The following PAPPA2 variants were observed in gnomAD, a reference collection of about 807,000 sequenced individuals.
The protein encoded by PAPPA2 is pappalysin 2.
Under a neutral mutation model 176.4 loss-of-function variants are expected in PAPPA2, and 86 were observed. The ratio of observed to expected loss-of-function variants is 0.49; its 90% CI spans 0.41 to 0.58. PAPPA2 has a LOEUF of 0.58. PAPPA2 is among the 20% of genes least tolerant of loss of function. The pLI is 0.00. For synonymous variants in PAPPA2, 809 were observed against 852.2 expected (o/e 0.95, Z 0.88); for missense variants, 2,073 against 2,256.9 (o/e 0.92, Z 1.65).
intron 7 of PAPPA2, among the ~76,000 whole-genome samples, chr1:176,697,644 C>T (rs1197838261): frequency 1.3e-5 from 2 of 152,304 alleles, no homozygotes; most frequent in African/African-American, 4.8e-5. Flanking sequence ...ACATCATCTT[C>T]ATGGTGAGAA....
intron 3 of PAPPA2, among the ~76,000 whole-genome samples, chr1:176,624,314 G>A (rs535669730): frequency 1.4e-4 from 21 of 152,288 alleles, no homozygotes; most frequent in African/African-American, 4.8e-4. Flanking sequence ...AGGAAATAGT[G>A]TGGATGACTG....
intron 1 of PAPPA2, among the ~76,000 whole-genome samples, chr1:176,516,249 G>A (rs962874838): frequency 6.6e-6 from 1 of 151,322 alleles, no homozygotes; most frequent in Admixed American, 6.6e-5. Context: ...TTCTGTCCTC[G>A]GAGTCAAATG....
chr1:176,675,448 A>C (rs1353575123), intron 4 of PAPPA2, among the ~76,000 whole-genome samples: 2 of 152,108 alleles, frequency 1.3e-5, no homozygotes, highest in Non-Finnish European at 2.9e-5. Context: ...GAGAACTGGA[A>C]TCTCTAATAG....
At chr1:176,489,351 A>G (rs973097287) in intron 1 of PAPPA2, among the ~76,000 whole-genome samples, 4 of 152,226 alleles carry the variant, frequency 2.6e-5, no homozygotes, top group Admixed American at 6.5e-5. Flanking sequence ...ATTTTAATGC[A>G]TAGAGGAGCT....
intron 3 of PAPPA2, among the ~76,000 whole-genome samples, chr1:176,661,689 C>T (rs1274677637): frequency 6.6e-6 from 1 of 151,882 alleles, no homozygotes; most frequent in Non-Finnish European, 1.5e-5. Flanking sequence ...TCCCAGTCAC[C>T]TTTTAACTCT....
At chr1:176,529,543 G>A (rs1056308758) in intron 1 of PAPPA2, among the ~76,000 whole-genome samples, 1 of 152,086 alleles carries the variant, frequency 6.6e-6, no homozygotes, top group African/African-American at 2.4e-5. Flanking sequence ...TGGGGCAAGG[G>A]GAGGAGGAGG....
intron 3 of PAPPA2, among the ~76,000 whole-genome samples, chr1:176,618,002 TG>T (rs1282143328): frequency 6.6e-6 from 1 of 152,210 alleles, no homozygotes; most frequent in Non-Finnish European, 1.5e-5. Flanking sequence ...GGTTGAGGCC[TG>T]TAACTAGTGG....
intron 3 of PAPPA2, among the ~76,000 whole-genome samples, chr1:176,639,719 CTT>C (rs548902178): frequency 6.9e-6 from 1 of 144,320 alleles, no homozygotes. Context: ...CTTTTTCTTT[CTT>C]TTTTTTTTTT....
chr1:176,822,646 T>G (rs915322002), intron 21 of PAPPA2, among the ~76,000 whole-genome samples: 4 of 152,194 alleles, frequency 2.6e-5, no homozygotes, highest in Non-Finnish European at 5.9e-5. Context: ...ACTGCAAGGA[T>G]CTCCTACGTG....
intron 1 of PAPPA2, among the ~76,000 whole-genome samples, chr1:176,501,061 GTATA>G (rs1204435890): frequency 6.7e-6 from 1 of 148,202 alleles, no homozygotes; most frequent in Non-Finnish European, 1.5e-5. Context: ...ATATTAATAA[GTATA>G]TATAATAGAA....
chr1:176,656,980 G>A (rs752005033), intron 3 of PAPPA2, among the ~76,000 whole-genome samples: 6 of 151,716 alleles, frequency 4.0e-5, no homozygotes, highest in Non-Finnish European at 5.9e-5. Flanking sequence ...GGAATTACTG[G>A]GCAACTACTA....
At chr1:176,617,383 T>C (rs567114045) in intron 3 of PAPPA2, among the ~76,000 whole-genome samples, 2 of 152,232 alleles carry the variant, frequency 1.3e-5, no homozygotes, top group African/African-American at 4.8e-5. Flanking sequence ...ACAAGTTCTT[T>C]AGTGGTGATT....
intron 1 of PAPPA2, among the ~76,000 whole-genome samples, chr1:176,511,360 C>G (rs530051415): frequency 4.6e-4 from 70 of 152,240 alleles, no homozygotes; most frequent in African/African-American, 1.6e-3. Flanking sequence ...GAATACAAGT[C>G]CAGTTTGGTG....
chr1:176,469,623 T>C (rs1651783947), intron 1 of PAPPA2, among the ~76,000 whole-genome samples: 1 of 152,230 alleles, frequency 6.6e-6, no homozygotes. Context: ...GCAACCTGAC[T>C]GTGGTATTTA....
At chr1:176,470,079 T>C (rs1391130373) in intron 1 of PAPPA2, among the ~76,000 whole-genome samples, 3 of 152,112 alleles carry the variant, frequency 2.0e-5, no homozygotes, top group Non-Finnish European at 4.4e-5. Context: ...AAACAAAATG[T>C]TCAGTTAAGT....
intron 3 of PAPPA2, among the ~76,000 whole-genome samples, chr1:176,617,526 A>G (rs935136994): frequency 1.3e-5 from 2 of 152,146 alleles, no homozygotes; most frequent in African/African-American, 4.8e-5. Flanking sequence ...TAGCTTAGCT[A>G]TGATACTTAG....
intron 3 of PAPPA2, among the ~76,000 whole-genome samples, chr1:176,642,385 G>A (rs1417736671): frequency 6.6e-6 from 1 of 151,706 alleles, no homozygotes; most frequent in East Asian, 2.0e-4. Context: ...TAAACAAGAA[G>A]AGGCTAGGTA....
intron 20 of PAPPA2, among the ~76,000 whole-genome samples, chr1:176,794,945 A>G (rs775250609): frequency 1.3e-5 from 2 of 152,154 alleles, no homozygotes; most frequent in Non-Finnish European, 2.9e-5. Flanking sequence ...AGACCAATCT[A>G]TGTCTGCCAG....
At chr1:176,644,727 C>T (rs1657297416) in intron 3 of PAPPA2, among the ~76,000 whole-genome samples, 1 of 151,714 alleles carries the variant, frequency 6.6e-6, no homozygotes, top group South Asian at 2.1e-4. Flanking sequence ...AAGAGGGTAC[C>T]TAAGCTTGGA....
Sources: gnomAD v4.1 joint callset for allele counts (sites outside exome capture counted in the v4.1 genomes callset) on GRCh38, gnomAD v4.1.1 for gene constraint, MANE v1.5 for transcripts, NCBI Gene and HGNC (gene_info 2026-07-23, HGNC 2026-07-21) for gene names.